The following SCHIP1 variants were observed in gnomAD, a reference collection of about 807,000 sequenced individuals.
SCHIP1 encodes schwannomin-interacting protein 1.
In SCHIP1, 8 loss-of-function variants were observed where a neutral mutation model predicts 29.7. The ratio of observed to expected loss-of-function variants is 0.27; its 90% CI spans 0.16 to 0.49. The LOEUF is 0.49. Ranked by LOEUF, SCHIP1 falls within the 20% of genes least tolerant of loss-of-function variation. The pLI, the probability that SCHIP1 is intolerant of heterozygous loss-of-function variation, is 0.99. For missense variants in SCHIP1, 193 were observed against 294.6 expected, an observed-to-expected ratio of 0.66 and a Z score of 2.52; for synonymous variants, 76 against 94.9, an observed-to-expected ratio of 0.80 and a Z score of 1.16.
chr3:159,497,689 G>A, the SCHIP1 span, among the ~76,000 whole-genome samples: 1 of 151,876 alleles, frequency 6.6e-6, no homozygotes, highest in East Asian at 1.9e-4. Flanking sequence ...GAGCGAAAGA[G>A]GAAGAATGGA....
the SCHIP1 span, among the ~76,000 whole-genome samples, chr3:159,628,822 A>G: frequency 6.6e-6 from 1 of 152,216 alleles, no homozygotes; most frequent in South Asian, 2.1e-4. Flanking sequence ...AATATTAAAG[A>G]TATCAAAGCA....
At chr3:159,866,375 GT>G (rs980122271) in intron 2 of SCHIP1, 94 bp downstream of exon 3, 217 of 1,231,046 alleles carry the variant, frequency 1.8e-4, no homozygotes, top group South Asian at 2.5e-4. Flanking sequence ...ATCTTCTGTA[GT>G]TTTTTTTTCC....
the SCHIP1 span, among the ~76,000 whole-genome samples, chr3:159,626,171 TCTATCTATCTAG>T: frequency 2.7e-3 from 142 of 52,140 alleles, 3 homozygotes; most frequent in African/African-American, 0.016. Flanking sequence ...TCTAGATATA[TCTATCTATCTAG>T]ATAGATAGAT....
At chr3:159,666,920 G>T in the SCHIP1 span, among the ~76,000 whole-genome samples, 2 of 152,190 alleles carry the variant, frequency 1.3e-5, no homozygotes, top group Non-Finnish European at 2.9e-5. Flanking sequence ...AGCCAGTTAG[G>T]TTCAAATCCC....
the SCHIP1 span, among the ~76,000 whole-genome samples, chr3:159,419,847 A>G: frequency 5.9e-5 from 9 of 152,324 alleles, no homozygotes; most frequent in African/African-American, 2.2e-4. Flanking sequence ...AATTGTGGAC[A>G]GCCAGGTCAC....
At chr3:159,397,626 G>T in the SCHIP1 span, among the ~76,000 whole-genome samples, 1 of 152,200 alleles carries the variant, frequency 6.6e-6, no homozygotes, top group East Asian at 1.9e-4. Context: ...TCCCAGTTAG[G>T]CTGCTTGGGG....
chr3:159,293,215 G>T, the SCHIP1 span, among the ~76,000 whole-genome samples: 4 of 152,178 alleles, frequency 2.6e-5, no homozygotes, highest in Non-Finnish European at 5.9e-5. Context: ...CAAAATTCTA[G>T]CATTATCTTT....
chr3:159,567,795 A>G, the SCHIP1 span, among the ~76,000 whole-genome samples: 375 of 152,206 alleles, frequency 2.5e-3, 2 homozygotes, highest in African/African-American at 8.4e-3. Context: ...TTATTTCTCA[A>G]TCCTTTGCTC....
intron 1 of SCHIP1, among the ~76,000 whole-genome samples, chr3:159,844,837 C>T (rs1711564273): frequency 6.6e-6 from 1 of 152,138 alleles, no homozygotes; most frequent in Non-Finnish European, 1.5e-5. Context: ...CTTATGACCG[C>T]CCCAGATATA....
chr3:159,384,860 T>G, the SCHIP1 span, among the ~76,000 whole-genome samples: 19 of 152,204 alleles, frequency 1.2e-4, no homozygotes, highest in East Asian at 7.7e-4. Flanking sequence ...GTCAAGGAAT[T>G]TATCCATTTC....
chr3:159,846,752 G>C (rs1711894362), intron 1 of SCHIP1, among the ~76,000 whole-genome samples: 2 of 152,038 alleles, frequency 1.3e-5, no homozygotes, highest in Admixed American at 1.3e-4. Context: ...AGAGTACTTG[G>C]TCTTCATTGT....
chr3:159,579,213 G>A, the SCHIP1 span, among the ~76,000 whole-genome samples: 1 of 152,172 alleles, frequency 6.6e-6, no homozygotes. Flanking sequence ...AGGTTTTGTG[G>A]TAAGTATTGA....
chr3:159,700,975 G>A, the SCHIP1 span, among the ~76,000 whole-genome samples: 1 of 152,088 alleles, frequency 6.6e-6, no homozygotes, highest in African/African-American at 2.4e-5. Context: ...ACATGCTTGG[G>A]CAAATTAACC....
chr3:159,811,196 C>T, the SCHIP1 span, among the ~76,000 whole-genome samples: 1 of 152,170 alleles, frequency 6.6e-6, no homozygotes, highest in Admixed American at 6.5e-5. Flanking sequence ...GGATACAAAT[C>T]CTTTACCAGA....
chr3:159,503,181 C>T, the SCHIP1 span, among the ~76,000 whole-genome samples: 2 of 152,098 alleles, frequency 1.3e-5, no homozygotes, highest in Admixed American at 6.6e-5. Context: ...AGGTGGCTCC[C>T]CCTAGCTTAG....
At chr3:159,671,708 A>G in the SCHIP1 span, among the ~76,000 whole-genome samples, 1 of 152,014 alleles carries the variant, frequency 6.6e-6, no homozygotes, top group African/African-American at 2.4e-5. Flanking sequence ...TCCCCCTAAA[A>G]TGTTCACTAT....
chr3:159,405,965 T>C, the SCHIP1 span, among the ~76,000 whole-genome samples: 4 of 150,590 alleles, frequency 2.7e-5, no homozygotes, highest in Non-Finnish European at 5.9e-5. Flanking sequence ...CTAAAAAATC[T>C]AGAAAATAGC....
the SCHIP1 span, among the ~76,000 whole-genome samples, chr3:159,781,782 A>G: frequency 6.6e-6 from 1 of 152,164 alleles, no homozygotes; most frequent in Non-Finnish European, 1.5e-5. Context: ...ACAGACACAC[A>G]CTAAACCTGA....
chr3:159,880,021 A>G (rs1310039167), intron 2 of SCHIP1, among the ~76,000 whole-genome samples: 1 of 152,190 alleles, frequency 6.6e-6, no homozygotes, highest in Non-Finnish European at 1.5e-5. Context: ...CAGAAAAAAG[A>G]AAGTATGCAT....
Sources: gnomAD v4.1 joint callset for allele counts (sites outside exome capture counted in the v4.1 genomes callset) on GRCh38, gnomAD v4.1.1 for gene constraint, MANE v1.5 for transcripts, NCBI Gene and HGNC (gene_info 2026-07-23, HGNC 2026-07-21) for gene names.